The following GLRA3 variants were observed in gnomAD, a reference collection of about 807,000 sequenced individuals.
GLRA3 encodes glycine receptor subunit alpha-3.
In GLRA3, 44 loss-of-function variants were observed where a neutral mutation model predicts 60.4. That is an observed-to-expected ratio of 0.73 (90% CI 0.57 to 0.94). GLRA3 has a LOEUF of 0.94. Among genes scored for constraint, GLRA3 ranks in the 40% least tolerant of loss-of-function variants. The pLI is 0.00. For missense variants in GLRA3, 508 were observed against 564.6 expected, an observed-to-expected ratio of 0.90 and a Z score of 1.02; for synonymous variants, 223 against 192.9, an observed-to-expected ratio of 1.16 and a Z score of -1.29.
chr4:174,813,175 T>C (rs902623441), intron 1 of GLRA3, among the ~76,000 whole-genome samples: 14 of 152,224 alleles, frequency 9.2e-5, no homozygotes, highest in Non-Finnish European at 2.9e-5. Context: ...TATTTTCCAA[T>C]GAAAAGATTA....
At position 174,728,605 on chromosome 4, in the gene GLRA3, A is replaced by C; in HGVS notation, c.361T>G (p.Ser121Ala). 1 of 1,611,996 alleles carries C rather than the reference A, an allele frequency of 6.2e-7. No individual in the cohort carries two copies. Among genetic ancestry groups the C allele is most frequent in the Non-Finnish European group, 8.5e-7 (1 of 1,178,080 alleles). The change falls in exon 4 of 10, where the codon TCC (serine) becomes GCC (alanine). Residue 121 changes from serine to alanine, a missense_variant. Ser to Ala is a moderately conservative substitution (Grantham distance 99). This residue lies in a region of GLRA3 where 329 missense variants were observed against 349.3 expected (regional missense o/e 0.94). Transcript: ENST00000274093. ...YPDDSLDLDPSMLDSIWKPDL... is the reference protein window; with the variant it reads ...YPDDSLDLDPAMLDSIWKPDL... ...GGTTTCCAAATGGAGTCCAACATGG[A>C]GGGGTCGAGGTCTAAAGAGTCGTCA...
chr4:174,657,239 T>G (rs1454985828), intron 8 of GLRA3, among the ~76,000 whole-genome samples: 2 of 152,168 alleles, frequency 1.3e-5, no homozygotes, highest in Admixed American at 1.3e-4. Context: ...GAACCAGAAT[T>G]GAGCATCTAA....
chr4:174,676,883 G>T (rs1202250675), intron 7 of GLRA3, among the ~76,000 whole-genome samples, 195 bp downstream of exon 7: 2 of 152,042 alleles, frequency 1.3e-5, no homozygotes, highest in African/African-American at 4.8e-5. Flanking sequence ...GTGAATAGCG[G>T]ATATCACTGG....
At chr4:174,804,930 G>A (rs1025512983) in intron 1 of GLRA3, among the ~76,000 whole-genome samples, 8 of 152,122 alleles carry the variant, frequency 5.3e-5, no homozygotes, top group African/African-American at 1.7e-4. Flanking sequence ...CTTGGCTAGT[G>A]CCATGTTGCC....
rs1317778107 is a variant in GLRA3, at chr4:174,766,880, G to A, written c.267+83C>T. 7.3e-6 allele frequency: 5 copies of A among 684,172 alleles called. No individual in the cohort carries two copies. The Admixed American group carries it at 1.2e-4, about 16-fold the overall frequency. 42.4% of individuals were successfully genotyped at this position (684,172 alleles called of 1,614,324 possible). On this transcript the variant is annotated intron_variant, in intron 3 of 9. Coordinates refer to ENST00000274093, the MANE Select transcript of GLRA3 (RefSeq NM_006529.4). ...TTTAAAATCTTGTTATACTAATTTG[G>A]GTTTTAAATTACATAAAATGTTGCC...
In GLRA3 at chr4:174,681,819, G is replaced by A. The variant is rs545686220; in HGVS notation, c.712+983C>T. Among the ~76,000 whole-genome samples, 3 of 152,282 alleles carry A rather than the reference G, an allele frequency of 2.0e-5. No homozygotes were observed. In the East Asian group the frequency reaches 5.8e-4, roughly 29 times the overall value. ...GCATCTGTCTAAGGGAACTGAGCAA[G>A]GACAGTGCTATTGACTTGCCTGCTC... On this transcript the variant is annotated intron_variant, in intron 6 of 9. Transcript: ENST00000274093.
At chr4:174,804,672 G>T (rs1175875045) in intron 1 of GLRA3, among the ~76,000 whole-genome samples, 1 of 152,168 alleles carries the variant, frequency 6.6e-6, no homozygotes, top group East Asian at 1.9e-4. Flanking sequence ...ACACCAGAAT[G>T]AGGTTAAGAG....
intron 3 of GLRA3, among the ~76,000 whole-genome samples, chr4:174,737,167 T>C (rs6553811): frequency 0.29 from 44,214 of 152,064 alleles, 6,679 homozygotes; most frequent in African/African-American, 0.35. Flanking sequence ...TTTGGGCCTG[T>C]GTAAGATCAA....
intron 3 of GLRA3, among the ~76,000 whole-genome samples, chr4:174,745,524 C>G (rs528993335): frequency 6.6e-6 from 1 of 152,146 alleles, no homozygotes; most frequent in Non-Finnish European, 1.5e-5. Flanking sequence ...GGGTCTAACA[C>G]TTAAGACCCA....
chr4:174,679,136 C>T (rs553673034), intron 6 of GLRA3, among the ~76,000 whole-genome samples: 64 of 152,118 alleles, frequency 4.2e-4, no homozygotes, highest in African/African-American at 1.4e-3. Context: ...TGGAGACCAA[C>T]CTGGCTAACC....
chr4:174,764,249 A>T (rs953377855), intron 3 of GLRA3, among the ~76,000 whole-genome samples: 1 of 152,054 alleles, frequency 6.6e-6, no homozygotes, highest in Admixed American at 6.6e-5. Context: ...TTAAAGAATA[A>T]CCTCAAATGG....
rs1433499421 is a variant in GLRA3, at chr4:174,682,983, T to A, written c.575-44A>T. On this transcript the variant is annotated intron_variant, in intron 5 of 9. Transcript: ENST00000274093. ...AAATATGAATAGTCTAAAAAGGGCA[T>A]TCAAAGAAAAGAAATGCAAATTACT... is the stretch of plus-strand genomic sequence containing the variant. 5.3e-6 allele frequency: 8 copies of A among 1,523,348 alleles called. No individual in the cohort carries two copies. In the Admixed American group the frequency reaches 1.0e-4, roughly 20 times the overall value. The allele number at this position is 1,523,348 out of a possible 1,614,324, so 94.4% of individuals were successfully genotyped here. A position where few individuals can be genotyped will look rare whatever the true frequency, so the allele number is the denominator to read the frequency against.
At chr4:174,698,510 C>G (rs891638012) in intron 5 of GLRA3, among the ~76,000 whole-genome samples, 14 of 151,994 alleles carry the variant, frequency 9.2e-5, no homozygotes, top group East Asian at 1.9e-4. Flanking sequence ...TTTTTGAAGC[C>G]TGATTTTTCA....
chr4:174,783,453 G>A (rs1489683192), intron 2 of GLRA3, among the ~76,000 whole-genome samples: 4 of 133,772 alleles, frequency 3.0e-5, no homozygotes, highest in Non-Finnish European at 5.0e-5. Flanking sequence ...GGCAACAAAA[G>A]CCAAAATTGA....
chr4:174,756,780 A>G (rs1008046992), intron 3 of GLRA3, among the ~76,000 whole-genome samples: 2 of 151,630 alleles, frequency 1.3e-5, no homozygotes, highest in South Asian at 2.1e-4. Flanking sequence ...GAGTAGCTGG[A>G]ACTACAGGCA....
At chr4:174,678,387 T>G (rs974722019) in intron 6 of GLRA3, among the ~76,000 whole-genome samples, 1 of 152,202 alleles carries the variant, frequency 6.6e-6, no homozygotes, top group Non-Finnish European at 1.5e-5. Flanking sequence ...TTTAATTGTT[T>G]TTATTTGAGT....
At position 174,643,181 on chromosome 4, in the gene GLRA3, C is replaced by A. The variant is rs1011066573; in HGVS notation, c.*605G>T. The A allele has an allele frequency of 3.8e-5, 31 of 824,452 alleles. No homozygotes were observed. In the African/African-American group the frequency reaches 5.6e-4, roughly 15 times the overall value. 51.1% of individuals were successfully genotyped at this position (824,452 alleles called of 1,614,324 possible). On this transcript the variant is annotated 3_prime_UTR_variant, in exon 10 of 10. Coordinates refer to ENST00000274093, the MANE Select transcript of GLRA3 (RefSeq NM_006529.4). Reference sequence around the variant, plus strand: ...TGTTTTAAATTTGCACAGAGGAAAACTTAATATTCTAAACAATTAAATTTA... The same window carrying A: ...TGTTTTAAATTTGCACAGAGGAAAAATTAATATTCTAAACAATTAAATTTA...
chr4:174,642,669 A>G lies in GLRA3; in HGVS notation c.*1117T>C. On this transcript the variant is annotated 3_prime_UTR_variant, in exon 10 of 10. Transcript: ENST00000274093. Reference sequence around the variant, plus strand: ...GCTTAGATTTTGAAATCATTAATTCAGAAATAGAAAAAGAGTCCTCACTTT... The same window carrying G: ...GCTTAGATTTTGAAATCATTAATTCGGAAATAGAAAAAGAGTCCTCACTTT... The G allele has an allele frequency of 1.3e-6, 1 of 764,210 alleles. No homozygotes were observed. 47.3% of individuals were successfully genotyped at this position (764,210 alleles called of 1,614,324 possible).
chr4:174,739,470 C>T (rs574753004), intron 3 of GLRA3, among the ~76,000 whole-genome samples: 8 of 152,108 alleles, frequency 5.3e-5, no homozygotes, highest in South Asian at 4.1e-4. Flanking sequence ...GATGTGACTA[C>T]GACCCCTTGC....
Sources: gnomAD v4.1 joint callset for allele counts (sites outside exome capture counted in the v4.1 genomes callset) on GRCh38, gnomAD v4.1.1 for gene constraint, gnomAD v4.1.1 regional missense constraint, MANE v1.5 for transcripts, NCBI Gene and HGNC (gene_info 2026-07-23, HGNC 2026-07-21) for gene names.